The following CAND1 variants were observed in gnomAD, a reference collection of about 807,000 sequenced individuals.
CAND1 encodes cullin associated and neddylation dissociated 1.
CAND1 carries 7 observed loss-of-function variants against 108.5 expected under a neutral mutation model. The observed-to-expected ratio is 0.06, with a 90% confidence interval of 0.04 to 0.12. The LOEUF (loss-of-function observed/expected upper bound fraction) is 0.12, where lower values mean the gene tolerates loss of function less well. Among genes scored for constraint, CAND1 ranks in the 10% least tolerant of loss-of-function variants. The pLI is 1.00. For synonymous variants in CAND1, 534 were observed against 512.0 expected, an observed-to-expected ratio of 1.04 and a Z score of -0.58; for missense variants, 941 against 1,448.7, an observed-to-expected ratio of 0.65 and a Z score of 5.69.
intron 6 of CAND1, 80 bp downstream of exon 6, chr12:67,297,933 G>A (rs2044786148): frequency 1.4e-6 from 1 of 692,116 alleles, no homozygotes; most frequent in Non-Finnish European, 2.4e-6. Context: ...AGGTGTGTGA[G>A]GAGAAGCGGC....
chr12:67,274,819 T>TA (rs991199399), intron 1 of CAND1, among the ~76,000 whole-genome samples: 11 of 152,086 alleles, frequency 7.2e-5, no homozygotes, highest in Non-Finnish European at 1.3e-4. Flanking sequence ...AAAATGCTTG[T>TA]AAAAAAAACT....
chr12:67,302,762 T>G, intron 8 of CAND1, 147 bp downstream of exon 8: 1 of 637,274 alleles, frequency 1.6e-6, no homozygotes, highest in East Asian at 2.7e-5. Context: ...ATGTTCATAT[T>G]ATGTTAGTTG....
intron 1 of CAND1, among the ~76,000 whole-genome samples, chr12:67,280,881 G>T (rs77155862): frequency 0.05 from 7,617 of 152,162 alleles, 241 homozygotes; most frequent in Non-Finnish European, 0.057. Flanking sequence ...GTTCTTAAGG[G>T]GAGGGGAGGT....
intron 1 of CAND1, among the ~76,000 whole-genome samples, chr12:67,272,779 C>A (rs1384398704): frequency 1.3e-5 from 2 of 152,108 alleles, no homozygotes; most frequent in African/African-American, 2.4e-5. Flanking sequence ...TCACTTCAAC[C>A]TCCGCCTCCC....
At chr12:67,270,023 C>T in intron 1 of CAND1, 1 of 491,600 alleles carries the variant, frequency 2.0e-6, no homozygotes, top group Non-Finnish European at 3.5e-6. Context: ...CTCTAGGCCC[C>T]GTTTGCTTGT....
chr12:67,297,130 C>A, intron 4 of CAND1: 2 of 449,466 alleles, frequency 4.4e-6, no homozygotes. Context: ...TTAATATTTT[C>A]CCAAGCCAAT....
rs376730749 is a variant in CAND1 at position 67,307,349 on chromosome 12, G to A, written c.2930-48G>A. Reference sequence around the variant, plus strand: ...AGTGGTTTAAAAATGATGTCCGTGAGTTTTAGTGGACTACATACCAATAGA... The same window carrying A: ...AGTGGTTTAAAAATGATGTCCGTGAATTTTAGTGGACTACATACCAATAGA... On this transcript the variant is annotated intron_variant, in intron 10 of 14. Coordinates refer to ENST00000545606, the MANE Select transcript of CAND1 (RefSeq NM_018448.5). 12 of 1,340,164 alleles carry A rather than the reference G, an allele frequency of 9.0e-6. No homozygotes were observed. The African/African-American group carries it at 1.6e-4, about 18-fold the overall frequency. The allele number at this position is 1,340,164 out of a possible 1,614,324, so 83.0% of individuals were successfully genotyped here. A position where few individuals can be genotyped will look rare whatever the true frequency, so the allele number is the denominator to read the frequency against.
chr12:67,310,265 T>C lies in CAND1; in HGVS notation c.3309T>C (p.Phe1103=). 1 of 1,611,460 alleles carries C rather than the reference T, an allele frequency of 6.2e-7. No individual in the cohort carries two copies. The highest frequency in any genetic ancestry group is 1.7e-5 in the Admixed American group (1 of 59,932). Residue 1103 remains phenylalanine, a synonymous_variant, in exon 13 of 15, where the codon TTT becomes TTC. Coordinates refer to ENST00000545606, the MANE Select transcript of CAND1 (RefSeq NM_018448.5). ...GTTGTCTTGATAGACTTGATATCTT[T>C]GAATTTCTAAATCATGTTGAAGATG... ...LDSCLDRLDI[F]EFLNHVEDGL... is the part of the protein sequence containing the mutation.
chr12:67,271,786 G>A (rs999302428), intron 1 of CAND1, among the ~76,000 whole-genome samples: 2 of 152,138 alleles, frequency 1.3e-5, no homozygotes, highest in African/African-American at 2.4e-5. Flanking sequence ...GGAGCAGTAC[G>A]TGATTTCCAG....
intron 2 of CAND1, among the ~76,000 whole-genome samples, chr12:67,289,228 AT>A (rs1196843970): frequency 6.7e-6 from 1 of 149,788 alleles, no homozygotes; most frequent in Non-Finnish European, 1.5e-5. Flanking sequence ...TTTTTATTTT[AT>A]TTGTTTGAGA....
Position 67,305,915 on chromosome 12 carries a change from G to T in CAND1, c.2247G>T (p.Gly749=). The change falls in exon 10 of 15, where the codon GGG becomes GGT. Residue 749 remains glycine, a synonymous_variant. Transcript: ENST00000545606. This position sits in a 1 kb window ranked among gnomAD's most constrained non-coding sequence, Gnocchi z 4.4. ...IGLVRSPLLQ[G]GALSAMLDFF... Reference sequence around the variant, plus strand: ...TTGTGAGATCACCCTTATTGCAGGGGGGAGCTCTTAGTGCCATGCTAGACT... The same window carrying T: ...TTGTGAGATCACCCTTATTGCAGGGTGGAGCTCTTAGTGCCATGCTAGACT... The T allele has an allele frequency of 6.2e-7, 1 of 1,614,126 alleles. No individual in the cohort carries two copies. Among genetic ancestry groups the T allele is most frequent in the African/African-American group, 1.3e-5 (1 of 75,050 alleles).
chr12:67,285,371 A>G (rs929743372), intron 2 of CAND1, among the ~76,000 whole-genome samples: 11 of 152,230 alleles, frequency 7.2e-5, no homozygotes, highest in Non-Finnish European at 1.6e-4. Flanking sequence ...CTTTTATGCT[A>G]AACTAATTAT....
chr12:67,276,549 G>A (rs1234568891), intron 1 of CAND1, among the ~76,000 whole-genome samples: 2 of 152,062 alleles, frequency 1.3e-5, no homozygotes, highest in African/African-American at 2.4e-5. Flanking sequence ...TCTATGATTC[G>A]GCCTCTTAAT....
At position 67,305,453 on chromosome 12, in the gene CAND1, A is replaced by G; in HGVS notation, c.1785A>G (p.Gln595=). 6.2e-7 allele frequency: 1 copy of G among 1,613,720 alleles called. No homozygotes were observed. Among genetic ancestry groups the G allele is most frequent in the Non-Finnish European group, 8.5e-7 (1 of 1,180,034 alleles). ...AAAGGGCTATTTCCTGTATGGGACAAATTATTTGCAACCTTGGAGACAATT... is the reference window on the plus strand; with the variant it reads ...AAAGGGCTATTTCCTGTATGGGACAGATTATTTGCAACCTTGGAGACAATT... ...VKERAISCMG[Q]IICNLGDNLG... is the part of the protein sequence containing the mutation. The change falls in exon 10 of 15, where the codon CAA becomes CAG. Residue 595 remains glutamine (Q), a synonymous_variant. Transcript: ENST00000545606. This position sits in a 1 kb window ranked among gnomAD's most constrained non-coding sequence, Gnocchi z 4.4.
chr12:67,281,518 A>G (rs1481699965), intron 1 of CAND1, among the ~76,000 whole-genome samples: 1 of 152,226 alleles, frequency 6.6e-6, no homozygotes, highest in East Asian at 1.9e-4. Context: ...TCTCATGTAA[A>G]GAAAAAGTAA....
intron 1 of CAND1, among the ~76,000 whole-genome samples, chr12:67,278,381 T>C (rs7301023): frequency 0.044 from 6,699 of 152,192 alleles, 217 homozygotes; most frequent in African/African-American, 0.087. Context: ...GGTTTGGAAC[T>C]CCTGACCTCC....
intron 8 of CAND1, among the ~76,000 whole-genome samples, chr12:67,303,941 ACCT>A (rs1279661393): frequency 1.3e-5 from 2 of 148,756 alleles, no homozygotes; most frequent in Non-Finnish European, 3.0e-5. Flanking sequence ...TTATAAATTA[ACCT>A]CCTAAATTTT....
At chr12:67,289,214 A>G (rs1198589020) in intron 2 of CAND1, among the ~76,000 whole-genome samples, 1 of 151,060 alleles carries the variant, frequency 6.6e-6, no homozygotes, top group Non-Finnish European at 1.5e-5. Flanking sequence ...TAAATTTTTT[A>G]TTATTTTTAT....
intron 1 of CAND1, among the ~76,000 whole-genome samples, chr12:67,274,249 T>A (rs2044549278): frequency 6.6e-6 from 1 of 152,208 alleles, no homozygotes; most frequent in Admixed American, 6.5e-5. Flanking sequence ...TACATGCTTG[T>A]TGAATAGTTA....
Sources: gnomAD v4.1 joint callset for allele counts (sites outside exome capture counted in the v4.1 genomes callset) on GRCh38, gnomAD v4.1.1 for gene constraint, Gnocchi (gnomAD v3.1) non-coding constraint, MANE v1.5 for transcripts, NCBI Gene and HGNC (gene_info 2026-07-23, HGNC 2026-07-21) for gene names.